The following SH3PXD2A variants were observed in gnomAD, a reference collection of about 807,000 sequenced individuals.
The protein encoded by SH3PXD2A is SH3 and PX domain-containing protein 2A.
In SH3PXD2A, 32 loss-of-function variants were observed where a neutral mutation model predicts 115.2. The observed-to-expected ratio is 0.28, with a 90% CI of 0.21 to 0.37. SH3PXD2A has a LOEUF of 0.37. Among genes scored for constraint, SH3PXD2A ranks in the 10% least tolerant of loss-of-function variants. The pLI is 1.00. For missense variants in SH3PXD2A, 1,328 were observed against 1,498.7 expected (o/e 0.89, Z 1.88); for synonymous variants, 610 against 629.1 (o/e 0.97, Z 0.45).
intron 3 of SH3PXD2A, among the ~76,000 whole-genome samples, chr10:103,753,386 C>T (rs1480890238): frequency 1.4e-5 from 2 of 141,918 alleles, no homozygotes; most frequent in African/African-American, 2.6e-5. Flanking sequence ...ATCCCAGCTA[C>T]TTGGGAGGCT....
chr10:103,708,613 C>T (rs2038010055), intron 5 of SH3PXD2A, among the ~76,000 whole-genome samples: 1 of 152,174 alleles, frequency 6.6e-6, no homozygotes, highest in Admixed American at 6.5e-5. Flanking sequence ...GTTGACACTG[C>T]GCTTGGCAGC....
At chr10:103,803,310 T>C (rs2863999) in intron 1 of SH3PXD2A, among the ~76,000 whole-genome samples, 83,365 of 152,068 alleles carry the variant, frequency 0.55, 24,200 homozygotes, top group South Asian at 0.69. Flanking sequence ...AAATAGACTA[T>C]TGGCTATTAT....
At chr10:103,822,911 T>C (rs1361657624) in intron 1 of SH3PXD2A, among the ~76,000 whole-genome samples, 3 of 152,246 alleles carry the variant, frequency 2.0e-5, no homozygotes, top group African/African-American at 7.2e-5. Context: ...ATGTTATTTC[T>C]TTTCTATCTG....
chr10:103,805,247 GGA>G (rs2039190330), intron 1 of SH3PXD2A, among the ~76,000 whole-genome samples: 1 of 152,222 alleles, frequency 6.6e-6, no homozygotes, highest in Non-Finnish European at 1.5e-5. Context: ...CTTTAGCAGA[GGA>G]GAAACCCAGG....
At position 103,627,192 on chromosome 10, in the gene SH3PXD2A, G is replaced by A. The variant is rs141194749; in HGVS notation, c.615C>T (p.Phe205=). Residue 205 remains phenylalanine (F), a synonymous_variant, in exon 9 of 15, where the codon TTC becomes TTT. Coordinates refer to ENST00000369774, the MANE Select transcript of SH3PXD2A (RefSeq NM_001394015.1). The surrounding 1 kb of genome is among the most constrained non-coding windows in gnomAD (Gnocchi z 4.4). The part of the protein sequence containing the change: ...VIEKNESGWW[F]VSTSEEQGWV... The stretch of plus-strand genomic sequence containing the variant: ...AGCCCTGCTCCTCAGAAGTGCTCAC[G>A]AACCACCAGCCTGCAGGGAGGACAA... 3.3e-5 allele frequency: 53 copies of A among 1,605,578 alleles called. No homozygotes were observed. Among genetic ancestry groups the A allele is most frequent in the African/African-American group, 1.3e-4 (10 of 74,864 alleles).
At chr10:103,840,053 C>A (rs546031522) in intron 1 of SH3PXD2A, among the ~76,000 whole-genome samples, 2 of 152,238 alleles carry the variant, frequency 1.3e-5, no homozygotes, top group Non-Finnish European at 2.9e-5. Flanking sequence ...AAGAGCCCAG[C>A]GCTGCTGACA....
intron 5 of SH3PXD2A, among the ~76,000 whole-genome samples, chr10:103,717,396 A>AG (rs1261319375): frequency 1.3e-5 from 2 of 152,120 alleles, no homozygotes; most frequent in African/African-American, 4.8e-5. Flanking sequence ...GGCTTTCTGG[A>AG]GGAGGGGCCC....
At chr10:103,692,987 G>A (rs757007579) in intron 6 of SH3PXD2A, 41 bp downstream of exon 6, 63 of 1,587,176 alleles carry the variant, frequency 4.0e-5, no homozygotes, top group Non-Finnish European at 5.4e-5. Context: ...GCACGAAGCG[G>A]GAAGGAAGGC....
chr10:103,847,950 A>C (rs1201287926), intron 1 of SH3PXD2A, among the ~76,000 whole-genome samples: 1 of 3,506 alleles, frequency 2.9e-4, no homozygotes, highest in African/African-American at 3.8e-4. Flanking sequence ...AAAAAAAAAA[A>C]AACCAACTAA....
At chr10:103,611,702 A>G in intron 12 of SH3PXD2A, 72 bp from the exon 13 acceptor site, 1 of 1,154,802 alleles carries the variant, frequency 8.7e-7, no homozygotes, top group Non-Finnish European at 1.3e-6. Flanking sequence ...TGCCTTCCCT[A>G]GGTGAAACTA....
chr10:103,610,621 A>C (rs1371059333), intron 13 of SH3PXD2A, among the ~76,000 whole-genome samples: 3 of 152,182 alleles, frequency 2.0e-5, no homozygotes, highest in Non-Finnish European at 4.4e-5. Flanking sequence ...TGACCACAGT[A>C]ACTCTTGTTG....
chr10:103,790,390 G>A (rs541347529), intron 2 of SH3PXD2A, among the ~76,000 whole-genome samples: 1 of 152,010 alleles, frequency 6.6e-6, no homozygotes, highest in African/African-American at 2.4e-5. Context: ...TCCTGACCTC[G>A]TGATCCACCC....
Position 103,652,413 on chromosome 10 carries a change from C to A in SH3PXD2A, c.604+8570G>T, listed in dbSNP as rs2037140556. On this transcript the variant is annotated intron_variant, in intron 8 of 14. Transcript: ENST00000369774. ...ATGAGGCCAGGATTCTAGGTCAGCA[C>A]TGGAAACCCAGAGGATGAGGTTATG... 3.3e-5 allele frequency among the ~76,000 whole-genome samples: 5 copies of A among 152,166 alleles called. No homozygotes were observed. In the South Asian group the frequency reaches 1.0e-3, roughly 32 times the overall value.
At chr10:103,635,413 G>C (rs2036849030) in intron 8 of SH3PXD2A, among the ~76,000 whole-genome samples, 1 of 152,234 alleles carries the variant, frequency 6.6e-6, no homozygotes, top group African/African-American at 2.4e-5. Flanking sequence ...CTGGCAGTCA[G>C]GCCCTCTGAT....
intron 8 of SH3PXD2A, among the ~76,000 whole-genome samples, chr10:103,642,008 C>T (rs772625074): frequency 2.6e-5 from 4 of 152,128 alleles, no homozygotes; most frequent in Non-Finnish European, 4.4e-5. Context: ...GGTTACGTTC[C>T]GATAAAGCCA....
intron 1 of SH3PXD2A, among the ~76,000 whole-genome samples, chr10:103,845,987 T>C (rs1842844810): frequency 6.6e-6 from 1 of 152,250 alleles, no homozygotes; most frequent in Non-Finnish European, 1.5e-5. Flanking sequence ...CTCCCTGAAG[T>C]TGTGGTCAGA....
At chr10:103,834,891 G>GT (rs1208800527) in intron 1 of SH3PXD2A, among the ~76,000 whole-genome samples, 1 of 152,230 alleles carries the variant, frequency 6.6e-6, no homozygotes, top group Non-Finnish European at 1.5e-5. Flanking sequence ...ATCTAAGTCA[G>GT]TAGACAGCTG....
Position 103,603,043 on chromosome 10 carries a change from G to A in SH3PXD2A, c.2175C>T (p.Asp725=), listed in dbSNP as rs138278722. The A allele has an allele frequency of 1.4e-4, 222 of 1,613,984 alleles. No individual in the cohort carries two copies. In the African/African-American group the frequency reaches 1.9e-3, roughly 14 times the overall value. Residue 725 remains aspartate (D), a synonymous_variant, in exon 15 of 15, where the codon GAC becomes GAT. Coordinates refer to ENST00000369774, the MANE Select transcript of SH3PXD2A (RefSeq NM_001394015.1). ...CCTTGGGAGTGCCGCGGATGCCTGC[G>A]TCCGAAGCAGAGCGGGGCTTCAGGT... ...SGDLKPRSAS[D]AGIRGTPKVR...
intron 8 of SH3PXD2A, among the ~76,000 whole-genome samples, chr10:103,659,301 G>C (rs967711600): frequency 6.6e-6 from 1 of 152,226 alleles, no homozygotes; most frequent in African/African-American, 2.4e-5. Flanking sequence ...CTGCTCAAGG[G>C]TTAAACGGCT....
Sources: gnomAD v4.1 joint callset for allele counts (sites outside exome capture counted in the v4.1 genomes callset) on GRCh38, gnomAD v4.1.1 for gene constraint, Gnocchi (gnomAD v3.1) non-coding constraint, MANE v1.5 for transcripts, NCBI Gene and HGNC (gene_info 2026-07-23, HGNC 2026-07-21) for gene names.